Variants in PKIG observed in about 807,000 individuals in gnomAD.
PKIG encodes cAMP-dependent protein kinase inhibitor gamma.
In PKIG, 1 loss-of-function variant was observed where a neutral mutation model predicts 6.8. The observed-to-expected ratio is 0.15, with a 90% CI of 0.05 to 0.69. The LOEUF (loss-of-function observed/expected upper bound fraction) is 0.69. Among genes scored for constraint, PKIG ranks in the 30% least tolerant of loss-of-function variants. The probability of loss-of-function intolerance (pLI) is 0.82; values close to 1 mark genes in which losing one functional copy is unlikely to be tolerated. For missense variants in PKIG, 77 were observed against 104.0 expected (o/e 0.74, Z 1.13); for synonymous variants, 39 against 43.0 (o/e 0.91, Z 0.36).
At chr20:44,558,631 ATTCT>A (rs200549203) in intron 1 of PKIG, among the ~76,000 whole-genome samples, 1,070 of 57,858 alleles carry the variant, frequency 0.018, 37 homozygotes, top group African/African-American at 0.072. Context: ...TTTCTTTTTC[ATTCT>A]TTCTTTTTTT....
In PKIG at chr20:44,558,569, TTC is replaced by T. The variant is rs1267148049; in HGVS notation, c.-240-24014_-240-24013del. Among the ~76,000 whole-genome samples, 9 of 139,010 alleles carry T rather than the reference TTC, an allele frequency of 6.5e-5. No individual in the cohort carries two copies. The Admixed American group carries it at 6.6e-4, about 10-fold the overall frequency. 91.2% of individuals were successfully genotyped at this position (139,010 alleles called of 152,430 possible). A position where few individuals can be genotyped will look rare whatever the true frequency, so the allele number is the denominator to read the frequency against. On this transcript the variant is annotated intron_variant, in intron 1 of 4. Transcript: ENST00000372887. ...CTCACATTTCTTTTTCTTTCTTTTTTTCTTTTTTCTTTCTTTCTTTCTTTCTT... is the reference window on the plus strand; with the variant it reads ...CTCACATTTCTTTTTCTTTCTTTTTTTTTTTTCTTTCTTTCTTTCTTTCTT...
intron 2 of PKIG, among the ~76,000 whole-genome samples, chr20:44,590,772 C>T (rs749070133): frequency 7.9e-5 from 12 of 152,188 alleles, no homozygotes; most frequent in Non-Finnish European, 1.6e-4. Context: ...ATGAGCGCAT[C>T]GCTCTGAAGA....
intron 1 of PKIG, among the ~76,000 whole-genome samples, chr20:44,543,430 A>G (rs73284583): frequency 0.068 from 10,392 of 152,224 alleles, 389 homozygotes; most frequent in South Asian, 0.15. Context: ...GGGCACAGAA[A>G]TATTTTGAAG....
intron 2 of PKIG, among the ~76,000 whole-genome samples, chr20:44,611,052 C>CTTTTT (rs537375490): frequency 1.5e-5 from 2 of 132,884 alleles, no homozygotes; most frequent in African/African-American, 5.7e-5. Flanking sequence ...TATAGAATGC[C>CTTTTT]TTTTTTTTTT....
chr20:44,574,083 A>G (rs1424778399), intron 1 of PKIG, among the ~76,000 whole-genome samples: 2 of 152,062 alleles, frequency 1.3e-5, no homozygotes, highest in Non-Finnish European at 2.9e-5. Flanking sequence ...GGTTACTTCT[A>G]TTTCTCTAAA....
At chr20:44,605,547 T>G (rs1233537243) in intron 2 of PKIG, among the ~76,000 whole-genome samples, 1 of 151,706 alleles carries the variant, frequency 6.6e-6, no homozygotes, top group South Asian at 2.1e-4. Flanking sequence ...AAAATTAAGG[T>G]GGCTCGCTAA....
intron 1 of PKIG, among the ~76,000 whole-genome samples, chr20:44,568,070 T>C (rs244118): frequency 0.84 from 127,763 of 152,022 alleles, 54,113 homozygotes; most frequent in African/African-American, 0.9. Context: ...CACCTGAGTC[T>C]GGGAGGTCGA....
rs1243924016 is a variant in PKIG at position 44,533,981 on chromosome 20, TCAG to T, written c.-241+2008_-241+2010del. ...AATGGTTGGGGCGGAATCTATAATA[TCAG>T]CAGCTTTCAAAGGTTCAATATAATA... On this transcript the variant is annotated intron_variant, in intron 1 of 4. Transcript: ENST00000372887. 3.3e-5 allele frequency among the ~76,000 whole-genome samples: 5 copies of T among 152,318 alleles called. No homozygotes were observed. The South Asian group carries it at 8.3e-4, about 25-fold the overall frequency.
chr20:44,612,416 T>C (rs1191305439), intron 2 of PKIG, among the ~76,000 whole-genome samples: 1 of 152,118 alleles, frequency 6.6e-6, no homozygotes, highest in Non-Finnish European at 1.5e-5. Context: ...CACTGGACTA[T>C]GAACTCCTAA....
intron 1 of PKIG, among the ~76,000 whole-genome samples, chr20:44,583,989 CTGTA>C (rs1405918100): frequency 6.6e-6 from 1 of 152,042 alleles, no homozygotes; most frequent in Non-Finnish European, 1.5e-5. Context: ...TCAGTGGTAA[CTGTA>C]TGTGCACACG....
At chr20:44,584,244 C>A (rs569579916) in intron 1 of PKIG, among the ~76,000 whole-genome samples, 2 of 152,178 alleles carry the variant, frequency 1.3e-5, no homozygotes, top group South Asian at 4.1e-4. Context: ...TCCACTAGAC[C>A]ATCTGCACCT....
intron 2 of PKIG, among the ~76,000 whole-genome samples, chr20:44,594,996 G>A (rs1342638896): frequency 6.6e-6 from 1 of 152,218 alleles, no homozygotes; most frequent in Non-Finnish European, 1.5e-5. Context: ...TCCCCTGGGT[G>A]CAGATGTTTG....
Position 44,618,660 on chromosome 20 carries a change from T to C in PKIG, c.*296T>C. On this transcript the variant is annotated 3_prime_UTR_variant, in exon 4 of 4. Coordinates refer to ENST00000372886, the MANE Select transcript of PKIG (RefSeq NM_001281445.2). ...GCCGGGACTTGGGCGGGGCCTGCCC[T>C]ACAGTGAGCAGCCCACACAGGAACG... 1 of 346,102 alleles carries C rather than the reference T, an allele frequency of 2.9e-6. No individual in the cohort carries two copies. Among genetic ancestry groups the C allele is most frequent in the East Asian group, 6.5e-5 (1 of 15,324 alleles). The allele number at this position is 346,102 out of a possible 1,614,324, so 21.4% of individuals were successfully genotyped here.
intron 1 of PKIG, among the ~76,000 whole-genome samples, chr20:44,575,355 A>G (rs1009726093): frequency 6.6e-6 from 1 of 152,154 alleles, no homozygotes; most frequent in African/African-American, 2.4e-5. Context: ...AGTAGCTGAG[A>G]TTACAGGCAC....
intron 2 of PKIG, among the ~76,000 whole-genome samples, chr20:44,595,797 C>A (rs938515728): frequency 1.3e-5 from 2 of 152,064 alleles, no homozygotes; most frequent in African/African-American, 4.8e-5. Context: ...CAGGTGTGAA[C>A]CACTGCGCCT....
intron 2 of PKIG, among the ~76,000 whole-genome samples, chr20:44,611,563 C>T (rs1214333920): frequency 1.3e-5 from 2 of 149,922 alleles, no homozygotes; most frequent in African/African-American, 4.9e-5. Flanking sequence ...GTCACCTAGG[C>T]TAGAGTGCAG....
At chr20:44,540,127 A>C (rs2064548015) in intron 1 of PKIG, among the ~76,000 whole-genome samples, 1 of 151,698 alleles carries the variant, frequency 6.6e-6, no homozygotes, top group African/African-American at 2.4e-5. Flanking sequence ...CGCCTGGCTA[A>C]TTTTCGTATT....
At chr20:44,586,173 G>A (rs370894555) in intron 1 of PKIG, among the ~76,000 whole-genome samples, 2 of 152,166 alleles carry the variant, frequency 1.3e-5, no homozygotes, top group African/African-American at 4.8e-5. Flanking sequence ...TCTGTCAAGT[G>A]GGGGGTCACA....
upstream of PKIG, among the ~76,000 whole-genome samples, chr20:44,579,599 G>A (rs900395336): frequency 6.6e-6 from 1 of 152,202 alleles, no homozygotes; most frequent in East Asian, 1.9e-4. Context: ...ACATGAAGTG[G>A]TGTTCATAGA....
Sources: gnomAD v4.1 joint callset for allele counts (sites outside exome capture counted in the v4.1 genomes callset) on GRCh38, gnomAD v4.1.1 for gene constraint, MANE v1.5 for transcripts, NCBI Gene and HGNC (gene_info 2026-07-23, HGNC 2026-07-21) for gene names.